Variants in SMC6 observed in about 807,000 individuals in gnomAD.
The protein encoded by SMC6 is structural maintenance of chromosomes protein 6.
Under a neutral mutation model 142.2 loss-of-function variants are expected in SMC6, and 79 were observed. That is an observed-to-expected ratio of 0.56 (90% CI 0.46 to 0.67). The LOEUF is 0.67. SMC6 is among the 30% of genes least tolerant of loss of function. SMC6 has a pLI of 0.00. For synonymous variants in SMC6, 411 were observed against 412.4 expected (o/e 1.00, Z 0.04); for missense variants, 1,072 against 1,284.0 (o/e 0.83, Z 2.52).
At chr2:17,737,179 T>C (rs1392541825) in intron 5 of SMC6, among the ~76,000 whole-genome samples, 1 of 152,310 alleles carries the variant, frequency 6.6e-6, no homozygotes, top group African/African-American at 2.4e-5. Flanking sequence ...ATTTGGAATC[T>C]TGGCTTAAGG....
Position 17,710,879 on chromosome 2 carries a change from A to G in SMC6, c.1731-2126T>C, listed in dbSNP as rs535990756. On this transcript the variant is annotated intron_variant, in intron 16 of 27. Coordinates refer to ENST00000448223, the MANE Select transcript of SMC6 (RefSeq NM_001142286.2). ...CCTTTGAGTTTTTCCTGAAAAGGGA[A>G]GCAGAGAAAAGTGACAGTAGCAGGT... is the stretch of plus-strand genomic sequence containing the variant. Among the ~76,000 whole-genome samples the G allele has an allele frequency of 3.3e-5, 5 of 152,312 alleles. No homozygotes were observed. In the South Asian group the frequency reaches 8.3e-4, roughly 25 times the overall value.
At position 17,707,329 on chromosome 2, in the gene SMC6, A is replaced by C; in HGVS notation, c.1896T>G (p.Asn632Lys). The stretch of plus-strand genomic sequence containing the variant: ...CATCAGCAGTAAAAGCTTCTCTACA[A>C]TTTTTGGGTGGCTTTTGGGACTGCA... ...AVMQSQKPPKNCREAFTADGD... is the reference protein window; with the variant it reads ...AVMQSQKPPKKCREAFTADGD... Residue 632 changes from asparagine (N) to lysine (K), a missense_variant, in exon 18 of 28, where the codon AAT becomes AAG. By Grantham distance (94) the Asn-to-Lys change is moderately conservative. Coordinates refer to ENST00000448223, the MANE Select transcript of SMC6 (RefSeq NM_001142286.2). The C allele has an allele frequency of 6.2e-7, 1 of 1,602,322 alleles. No individual in the cohort carries two copies. The highest frequency in any genetic ancestry group is 8.5e-7 in the Non-Finnish European group (1 of 1,174,838).
intron 3 of SMC6, among the ~76,000 whole-genome samples, chr2:17,742,423 G>T (rs775572651): frequency 6.6e-6 from 1 of 152,092 alleles, no homozygotes; most frequent in Non-Finnish European, 1.5e-5. Context: ...CGTAAAACAG[G>T]AATAATATTT....
At chr2:17,731,597 CGTGT>C (rs3217290) in intron 6 of SMC6, 140 bp downstream of exon 6, 185 of 694,276 alleles carry the variant, frequency 2.7e-4, no homozygotes, top group South Asian at 5.3e-4. Context: ...AACATATGCA[CGTGT>C]GTGTGTGTGT....
At chr2:17,721,877 G>T (rs1459515558) in intron 9 of SMC6, among the ~76,000 whole-genome samples, 1 of 151,924 alleles carries the variant, frequency 6.6e-6, no homozygotes, top group African/African-American at 2.4e-5. Context: ...TGTATTTTTG[G>T]TAGAGACGGG....
At chr2:17,738,181 C>T in intron 5 of SMC6, 40 bp downstream of exon 5, 1 of 1,458,150 alleles carries the variant, frequency 6.9e-7, no homozygotes. Context: ...TGTTTTCTTA[C>T]TAAAGAATTG....
intron 18 of SMC6, among the ~76,000 whole-genome samples, chr2:17,705,929 C>T (rs901317370): frequency 6.6e-6 from 1 of 152,114 alleles, no homozygotes; most frequent in African/African-American, 2.4e-5. Flanking sequence ...ATAGTATACT[C>T]GTCACTCTCT....
chr2:17,721,374 G>T, intron 9 of SMC6, 113 bp from the exon 10 acceptor site: 2 of 1,027,000 alleles, frequency 1.9e-6, no homozygotes, highest in Non-Finnish European at 1.3e-6. Context: ...ATAAATATTC[G>T]TTTAAAAATA....
At chr2:17,721,284 G>T in intron 9 of SMC6, 23 bp from the exon 10 acceptor site, 2 of 1,531,844 alleles carry the variant, frequency 1.3e-6, no homozygotes, top group Non-Finnish European at 1.7e-6. Context: ...AAACAGAACG[G>T]ACGTATTTTT....
intron 16 of SMC6, 104 bp downstream of exon 16, chr2:17,714,757 A>G (rs546505429): frequency 1.7e-6 from 2 of 1,196,454 alleles, no homozygotes; most frequent in African/African-American, 1.5e-5. Flanking sequence ...AAATTTTACA[A>G]ATCAGTGGTA....
chr2:17,725,201 A>G, intron 9 of SMC6, 56 bp downstream of exon 9: 1 of 1,098,306 alleles, frequency 9.1e-7, no homozygotes, highest in Non-Finnish European at 1.3e-6. Context: ...CATTTACTGT[A>G]AGTACTATAA....
Position 17,714,889 on chromosome 2 carries a change from G to A in SMC6, c.1702C>T (p.Arg568Trp), listed in dbSNP as rs201267935. 2.5e-6 allele frequency: 4 copies of A among 1,612,558 alleles called. No homozygotes were observed. The highest frequency in any genetic ancestry group is 1.6e-4 in the Middle Eastern group (1 of 6,076). Reference protein sequence around the residue: ...SRPPIIVSEFRNEIYDVRHRA... With the variant: ...SRPPIIVSEFWNEIYDVRHRA... ...TGTCTTACATCATATATCTCATTCC[G>A]AAACTCAGAAACTATTATCGGTGGC... is the stretch of plus-strand genomic sequence containing the variant. The change falls in exon 16 of 28, where the codon CGG (arginine) becomes TGG (tryptophan). Residue 568 changes from arginine (R) to tryptophan (W), a missense_variant. Arg to Trp is a moderately radical substitution (Grantham distance 101). This residue lies in a region of SMC6 where 994 missense variants were observed against 1,153.2 expected (regional missense o/e 0.86). Coordinates refer to ENST00000448223, the MANE Select transcript of SMC6 (RefSeq NM_001142286.2).
At position 17,670,595 on chromosome 2, in the gene SMC6, C is replaced by T. The variant is rs753671917; in HGVS notation, c.2911-20G>A. The T allele has an allele frequency of 2.0e-6, 3 of 1,497,476 alleles. No homozygotes were observed. The allele number at this position is 1,497,476 out of a possible 1,614,324, so 92.8% of individuals were successfully genotyped here. ...CTGAACCTTGAAGAGAATGAGTTGA[C>T]AAGGAACAAAAAACTAAGTAAATGA... On this transcript the variant is annotated intron_variant, in intron 25 of 27. Coordinates refer to ENST00000448223, the MANE Select transcript of SMC6 (RefSeq NM_001142286.2).
chr2:17,744,726 C>T (rs1670653522), intron 3 of SMC6, among the ~76,000 whole-genome samples: 1 of 152,088 alleles, frequency 6.6e-6, no homozygotes, highest in Admixed American at 6.5e-5. Context: ...TTTGTGAGTG[C>T]TCTTTAACAG....
intron 23 of SMC6, 72 bp from the exon 24 acceptor site, chr2:17,683,835 G>C (rs1310452368): frequency 1.4e-6 from 2 of 1,400,680 alleles, no homozygotes; most frequent in African/African-American, 2.9e-5. Context: ...ATCTCAAACA[G>C]ATTTAACTGG....
At chr2:17,692,944 C>T (rs552106297) in intron 23 of SMC6, among the ~76,000 whole-genome samples, 7 of 152,248 alleles carry the variant, frequency 4.6e-5, no homozygotes, top group East Asian at 3.9e-4. Flanking sequence ...AGCCAAAAGA[C>T]GCATGAAAAA....
At position 17,664,072 on chromosome 2, in the gene SMC6, C is replaced by T. The variant is rs1399440662; in HGVS notation, c.*1427G>A. On this transcript the variant is annotated 3_prime_UTR_variant, in exon 28 of 28. Coordinates refer to ENST00000448223, the MANE Select transcript of SMC6 (RefSeq NM_001142286.2). ...CAACATTCAAAACTACAACAAAATTCAGACATGAGTTCCTTAGCTAATGAA... is the reference window on the plus strand; with the variant it reads ...CAACATTCAAAACTACAACAAAATTTAGACATGAGTTCCTTAGCTAATGAA... 1 of 152,208 alleles carries T rather than the reference C, an allele frequency of 6.6e-6. No individual in the cohort carries two copies. The highest frequency in any genetic ancestry group is 1.9e-4 in the East Asian group (1 of 5,202). The allele number at this position is 152,208 out of a possible 1,614,324, so 9.4% of individuals were successfully genotyped here. A position where few individuals can be genotyped will look rare whatever the true frequency, so the allele number is the denominator to read the frequency against.
chr2:17,748,901 A>G (rs1299144809), intron 2 of SMC6, among the ~76,000 whole-genome samples: 1 of 152,236 alleles, frequency 6.6e-6, no homozygotes, highest in African/African-American at 2.4e-5. Flanking sequence ...GAGATTCTAT[A>G]TAGAAGACAG....
chr2:17,725,234 A>C (rs1669556220), intron 9 of SMC6, 23 bp downstream of exon 9: 5 of 1,555,758 alleles, frequency 3.2e-6, no homozygotes, highest in African/African-American at 1.4e-5. Context: ...TCTCAAAAAG[A>C]TTTACATTAA....
Sources: allele counts gnomAD v4.1 joint callset (sites outside exome capture counted in the v4.1 genomes callset), GRCh38; gene constraint gnomAD v4.1.1; regional missense constraint gnomAD v4.1.1; transcripts MANE v1.5; gene names NCBI Gene and HGNC (gene_info 2026-07-23, HGNC 2026-07-21).